Variants in TMEM117 observed in about 807,000 individuals in gnomAD.
TMEM117 encodes the protein transmembrane protein 117.
In TMEM117, 27 loss-of-function variants were observed where a neutral mutation model predicts 52.4. The ratio of observed to expected loss-of-function variants is 0.51; its 90% CI spans 0.38 to 0.71. The LOEUF (loss-of-function observed/expected upper bound fraction) is 0.71. Ranked by LOEUF, TMEM117 falls within the 30% of genes least tolerant of loss-of-function variation. TMEM117 has a pLI of 0.00. For missense variants in TMEM117, 556 were observed against 630.5 expected, an observed-to-expected ratio of 0.88 and a Z score of 1.26; for synonymous variants, 215 against 206.3, an observed-to-expected ratio of 1.04 and a Z score of -0.36.
At chr12:44,201,938 G>A (rs1322128080) in intron 4 of TMEM117, among the ~76,000 whole-genome samples, 1 of 151,808 alleles carries the variant, frequency 6.6e-6, no homozygotes, top group African/African-American at 2.4e-5. Context: ...TATAGATGAG[G>A]GGAGAAGATA....
chr12:44,050,143 A>G (rs1454431722), intron 3 of TMEM117, among the ~76,000 whole-genome samples: 1 of 152,206 alleles, frequency 6.6e-6, no homozygotes, highest in East Asian at 1.9e-4. Context: ...TCCAGACTAC[A>G]GTCTTTGTTT....
In TMEM117 at chr12:44,210,595, A is replaced by G. The variant is rs777370347; in HGVS notation, c.511-695A>G. 3.9e-5 allele frequency among the ~76,000 whole-genome samples: 6 copies of G among 152,300 alleles called. No individual in the cohort carries two copies. In the East Asian group the frequency reaches 7.7e-4, roughly 20 times the overall value. On this transcript the variant is annotated intron_variant, in intron 4 of 7. Coordinates refer to ENST00000266534, the MANE Select transcript of TMEM117 (RefSeq NM_032256.3). ...GCCTAGTGAAGAGAGAAAAAAGCAT[A>G]TAAGTAAGTAAAAGAGAAGGTAGAA...
chr12:44,193,202 AAG>A (rs1450956475), intron 4 of TMEM117, among the ~76,000 whole-genome samples: 4 of 152,304 alleles, frequency 2.6e-5, no homozygotes, highest in Admixed American at 1.3e-4. Context: ...GGGTGAGAGA[AAG>A]AGTATGGACA....
intron 4 of TMEM117, among the ~76,000 whole-genome samples, chr12:44,196,413 A>T (rs1232695510): frequency 6.6e-6 from 1 of 152,196 alleles, no homozygotes; most frequent in African/African-American, 2.4e-5. Context: ...AAAATAAACT[A>T]TCAACAGATG....
At chr12:44,099,854 A>T (rs2138071160) in intron 3 of TMEM117, among the ~76,000 whole-genome samples, 1 of 152,182 alleles carries the variant, frequency 6.6e-6, no homozygotes, top group African/African-American at 2.4e-5. Flanking sequence ...AAAAGGCTAA[A>T]ATGAGCCTAG....
At chr12:44,087,010 T>C (rs1010706230) in intron 3 of TMEM117, among the ~76,000 whole-genome samples, 4 of 147,774 alleles carry the variant, frequency 2.7e-5, no homozygotes, top group Admixed American at 2.0e-4. Context: ...AATTATGTAT[T>C]ATATAATTAA....
chr12:43,941,515 G>A (rs1945044484), intron 2 of TMEM117, among the ~76,000 whole-genome samples: 1 of 152,226 alleles, frequency 6.6e-6, no homozygotes, highest in African/African-American at 2.4e-5. Flanking sequence ...TCCTCAGGCA[G>A]TTCCAAGGTT....
In TMEM117 at chr12:44,152,567, A is replaced by G. The variant is rs1391719688; in HGVS notation, c.510+8943A>G. On this transcript the variant is annotated intron_variant, in intron 4 of 7. Transcript: ENST00000266534. ...AATTTTTATATATAATATTTATATC[A>G]TATAAATTTATATATATAATATTTA... Among the ~76,000 whole-genome samples, 34 of 121,870 alleles carry G rather than the reference A, an allele frequency of 2.8e-4. No homozygotes were observed. The East Asian group carries it at 7.6e-3, about 27-fold the overall frequency. The allele number at this position is 121,870 out of a possible 152,430, so 80.0% of individuals were successfully genotyped here.
chr12:44,200,877 G>A (rs1450537535), intron 4 of TMEM117, among the ~76,000 whole-genome samples: 3 of 152,110 alleles, frequency 2.0e-5, no homozygotes, highest in Non-Finnish European at 4.4e-5. Flanking sequence ...CCCTCAGCAT[G>A]AGCCTCTTGG....
At chr12:44,373,844 C>T (rs1249558940) in intron 6 of TMEM117, among the ~76,000 whole-genome samples, 1 of 123,618 alleles carries the variant, frequency 8.1e-6, no homozygotes, top group Admixed American at 1.1e-4. Flanking sequence ...TACAGTGGTG[C>T]GATCTCGGCT....
At chr12:43,846,720 T>C (rs1183699278) in intron 2 of TMEM117, among the ~76,000 whole-genome samples, 1 of 152,160 alleles carries the variant, frequency 6.6e-6, no homozygotes, top group Non-Finnish European at 1.5e-5. Context: ...AGGAAGAGAA[T>C]GTAATAATAG....
At chr12:43,934,353 G>A (rs149003926) in intron 2 of TMEM117, among the ~76,000 whole-genome samples, 26 of 152,214 alleles carry the variant, frequency 1.7e-4, no homozygotes, top group African/African-American at 6.3e-4. Context: ...TAAACTTGAG[G>A]ATAGTTTAAT....
At chr12:44,365,563 G>A (rs1045065422) in intron 6 of TMEM117, among the ~76,000 whole-genome samples, 5 of 151,962 alleles carry the variant, frequency 3.3e-5, no homozygotes, top group African/African-American at 1.2e-4. Flanking sequence ...CTATTTAACT[G>A]CTCTGTGAGC....
At chr12:44,176,474 A>G (rs545809160) in intron 4 of TMEM117, among the ~76,000 whole-genome samples, 1 of 152,330 alleles carries the variant, frequency 6.6e-6, no homozygotes, top group African/African-American at 2.4e-5. Flanking sequence ...TGAATTCCTC[A>G]GTGGCAAGAG....
intron 2 of TMEM117, among the ~76,000 whole-genome samples, chr12:43,849,632 T>A (rs1592304869): frequency 6.7e-6 from 1 of 148,518 alleles, no homozygotes; most frequent in African/African-American, 2.5e-5. Flanking sequence ...CTCTCTCTCT[T>A]TTTTTTTTAC....
At chr12:44,088,911 G>A (rs1947617265) in intron 3 of TMEM117, among the ~76,000 whole-genome samples, 1 of 152,210 alleles carries the variant, frequency 6.6e-6, no homozygotes, top group South Asian at 2.1e-4. Flanking sequence ...CTATATGCCT[G>A]GGAGCTGGCC....
intron 2 of TMEM117, among the ~76,000 whole-genome samples, chr12:43,875,302 G>A (rs1943776776): frequency 6.6e-6 from 1 of 151,976 alleles, no homozygotes; most frequent in Non-Finnish European, 1.5e-5. Context: ...AAAGGGTTGT[G>A]CTAAAGGTGT....
intron 2 of TMEM117, among the ~76,000 whole-genome samples, chr12:43,887,271 G>A (rs1944014460): frequency 6.6e-6 from 1 of 152,198 alleles, no homozygotes; most frequent in Non-Finnish European, 1.5e-5. Context: ...AAGTTTCCTA[G>A]GATAAAATGT....
rs35939956 is a variant in TMEM117 at position 44,173,464 on chromosome 12, TG to T, written c.510+29845del. ...TGTGTTTTCAATGGATTTTTACAGT[TG>T]GGGGCCATTTGCCTTGGTGTTTAAC... On this transcript the variant is annotated intron_variant, in intron 4 of 7. Transcript: ENST00000266534. Among the ~76,000 whole-genome samples the T allele has an allele frequency of 6.9e-3, 1,053 of 152,164 alleles. 16 individuals are homozygous for T. Among genetic ancestry groups the T allele is most frequent in the African/African-American group, 0.024 (1,003 of 41,446 alleles).
Sources: gnomAD v4.1 joint callset for allele counts (sites outside exome capture counted in the v4.1 genomes callset) on GRCh38, gnomAD v4.1.1 for gene constraint, MANE v1.5 for transcripts, NCBI Gene and HGNC (gene_info 2026-07-23, HGNC 2026-07-21) for gene names.